ANKRD37: variants seen among roughly 807,000 people sequenced by gnomAD.
The protein encoded by ANKRD37 is ankyrin repeat domain 37, also known as ankyrin repeat domain-containing protein 37.
A neutral mutation model predicts 19.7 loss-of-function variants in ANKRD37; 17 were observed. The observed-to-expected ratio is 0.86, with a 90% CI of 0.59 to 1.29. The LOEUF is 1.29. Among genes scored for constraint, ANKRD37 ranks in the 50% most tolerant of loss-of-function variants. ANKRD37 has a pLI of 0.00. For missense variants in ANKRD37, 207 were observed against 190.4 expected, an observed-to-expected ratio of 1.09 and a Z score of -0.51; for synonymous variants, 79 against 74.5, an observed-to-expected ratio of 1.06 and a Z score of -0.31.
At chr4:185,400,398 C>A, downstream of ANKRD37, 1 of 1,611,890 alleles carries the variant, frequency 6.2e-7, no homozygotes, top group Non-Finnish European at 8.5e-7. Flanking sequence ...TATTTTAAAT[C>A]ATATTTGGTC....
chr4:185,396,904 T>C lies in ANKRD37; in HGVS notation c.-20T>C. The stretch of plus-strand genomic sequence containing the variant: ...CTCTCTGCACTTCCAAGGACTCTTG[T>C]CATCTGCCTTAGGCGGGAAATGCTG... On this transcript the variant is annotated 5_prime_UTR_variant, in exon 1 of 5. Coordinates refer to ENST00000335174, the MANE Select transcript of ANKRD37 (RefSeq NM_181726.4). 6.2e-7 allele frequency: 1 copy of C among 1,613,216 alleles called. No individual in the cohort carries two copies. The highest frequency in any genetic ancestry group is 8.5e-7 in the Non-Finnish European group (1 of 1,180,000).
In ANKRD37 at chr4:185,398,998, G is replaced by A. The variant is rs767996848; in HGVS notation, c.242G>A (p.Ser81Asn). Reference protein sequence around the residue: ...AAKVGSLECLSLLVASDAQID... With the variant: ...AAKVGSLECLNLLVASDAQID... ...AAAGTTGGAAGCCTGGAGTGCCTAA[G>A]CCTGCTTGTAGCCAGTGATGCCCAA... The change falls in exon 3 of 5, where the codon AGC (serine) becomes AAC (asparagine). Residue 81 changes from serine to asparagine, a missense_variant. Transcript: ENST00000335174. 7.4e-6 allele frequency: 12 copies of A among 1,613,868 alleles called. No individual in the cohort carries two copies. In the South Asian group the frequency reaches 1.2e-4, roughly 16 times the overall value.
At position 185,396,919 on chromosome 4, in the gene ANKRD37, G is replaced by A. The variant is rs371815282; in HGVS notation, c.-5G>A. ...AGGACTCTTGTCATCTGCCTTAGGC[G>A]GGAAATGCTGTTGCTGGATTGCAAC... On this transcript the variant is annotated 5_prime_UTR_variant, in exon 1 of 5. Coordinates refer to ENST00000335174, the MANE Select transcript of ANKRD37 (RefSeq NM_181726.4). 1 of 1,613,472 alleles carries A rather than the reference G, an allele frequency of 6.2e-7. No homozygotes were observed. Among genetic ancestry groups the A allele is most frequent in the African/African-American group, 1.3e-5 (1 of 74,946 alleles).
rs776350479 is a variant in ANKRD37 at position 185,397,131 on chromosome 4, A to T, written c.28-19A>T. On this transcript the variant is annotated intron_variant, in intron 1 of 4. Transcript: ENST00000335174. ...TGGACAAAGGTGGGAAGGGTGCTGG[A>T]TCTGTTCTCTTCCTGCAGGTGGATG... 1 of 1,612,776 alleles carries T rather than the reference A, an allele frequency of 6.2e-7. No homozygotes were observed. The highest frequency in any genetic ancestry group is 1.3e-5 in the African/African-American group (1 of 74,904).
chr4:185,399,594 A>G lies in ANKRD37; in HGVS notation c.297A>G (p.Thr99=), dbSNP rs1286673731. 1 of 1,614,132 alleles carries G rather than the reference A, an allele frequency of 6.2e-7. No homozygotes were observed. Among genetic ancestry groups the G allele is most frequent in the Non-Finnish European group, 8.5e-7 (1 of 1,180,040 alleles). The change falls in exon 4 of 5, where the codon ACA becomes ACG. Residue 99 remains threonine (T), a synonymous_variant. Coordinates refer to ENST00000335174, the MANE Select transcript of ANKRD37 (RefSeq NM_181726.4). ...GTTTATGTAATAAGAACGGGCAAACAGCTGAAGATCTCGCTTGGTCATGTG... is the reference window on the plus strand; with the variant it reads ...GTTTATGTAATAAGAACGGGCAAACGGCTGAAGATCTCGCTTGGTCATGTG... ...QIDLCNKNGQ[T]AEDLAWSCGF...
Position 185,399,681 on chromosome 4 carries a change from T to G in ANKRD37, c.384T>G (p.Ser128Arg), listed in dbSNP as rs1466199927. 1.9e-6 allele frequency: 3 copies of G among 1,614,024 alleles called. No individual in the cohort carries two copies. The highest frequency in any genetic ancestry group is 2.5e-6 in the Non-Finnish European group (3 of 1,180,034). Residue 128 changes from serine (S) to arginine (R), a missense_variant, in exon 4 of 5, where the codon AGT (serine) becomes AGG (arginine). By Grantham distance (110) the Ser-to-Arg change is moderately radical. Transcript: ENST00000335174. ...TIKCMQTIKA[S>R]EHPDRNDCVA... ...AATGTATGCAGACAATAAAAGCAAG[T>G]GAACACCCTGACAGGAATGATTGTG...
chr4:185,399,078 T>A, intron 3 of ANKRD37, 50 bp downstream of exon 3: 1 of 1,456,690 alleles, frequency 6.9e-7, no homozygotes, highest in Non-Finnish European at 9.6e-7. Flanking sequence ...TGGATTAAAC[T>A]AATCAGACTC....
chr4:185,398,914 A>C, intron 2 of ANKRD37, 23 bp from the exon 3 acceptor site: 1 of 1,602,738 alleles, frequency 6.2e-7, no homozygotes, highest in Non-Finnish European at 8.5e-7. Context: ...GGGAGACTCT[A>C]AAATGCACCA....
At chr4:185,400,426 TTATAG>T, downstream of ANKRD37, 1 of 1,613,948 alleles carries the variant, frequency 6.2e-7, no homozygotes, top group Non-Finnish European at 8.5e-7. Flanking sequence ...AAGACATAAG[TTATAG>T]TATGCATCCT....
In ANKRD37 at chr4:185,399,044, G is replaced by A. The variant is rs1040447948; in HGVS notation, c.272+16G>A. On this transcript the variant is annotated intron_variant, in intron 3 of 4. Coordinates refer to ENST00000335174, the MANE Select transcript of ANKRD37 (RefSeq NM_181726.4). The stretch of plus-strand genomic sequence containing the variant: ...CCCAAATTGAGTGAGTATGAAAACA[G>A]TGGCTTCACATTTTATGTTTTCTTG... The A allele has an allele frequency of 3.1e-6, 5 of 1,606,232 alleles. No homozygotes were observed. Among genetic ancestry groups the A allele is most frequent in the Admixed American group, 3.3e-5 (2 of 59,896 alleles).
chr4:185,399,804 TC>T (rs776107957), intron 4 of ANKRD37, 31 bp downstream of exon 4: 1 of 1,612,770 alleles, frequency 6.2e-7, no homozygotes, highest in African/African-American at 1.3e-5. Context: ...GCTTTTTTCC[TC>T]CCGCAGTGAT....
At position 185,397,249 on chromosome 4, in the gene ANKRD37, C is replaced by G. The variant is rs759453185; in HGVS notation, c.127C>G (p.Leu43Val). The change falls in exon 2 of 5, where the codon CTT becomes GTT. Residue 43 changes from leucine (L) to valine (V), a missense_variant. Transcript: ENST00000335174. ...SPVHLAAGSG[L>V]ACFLLWQLQT... ...TGTCCACTTAGCCGCAGGAAGCGGC[C>G]TTGCTTGCTTTCTTCTCTGGCAGCT... 1 of 1,614,150 alleles carries G rather than the reference C, an allele frequency of 6.2e-7. No homozygotes were observed. The highest frequency in any genetic ancestry group is 1.7e-5 in the Admixed American group (1 of 60,034).
At chr4:185,399,474 C>A in intron 3 of ANKRD37, 96 bp from the exon 4 acceptor site, 2 of 1,367,592 alleles carry the variant, frequency 1.5e-6, no homozygotes, top group Non-Finnish European at 1.0e-6. Flanking sequence ...TGTTCTGCAA[C>A]CAACATTTGT....
intron 2 of ANKRD37, 183 bp downstream of exon 2, chr4:185,397,485 C>A: frequency 1.2e-6 from 1 of 802,008 alleles, no homozygotes; most frequent in South Asian, 2.5e-5. Flanking sequence ...GATGTGAGGA[C>A]ATGAGAAATT....
At chr4:185,397,603 T>G in intron 2 of ANKRD37, 1 of 324,418 alleles carries the variant, frequency 3.1e-6, no homozygotes, top group Non-Finnish European at 5.7e-6. Context: ...CAATTGCTGA[T>G]TAGATATTTT....
chr4:185,399,343 CATCAG>C lies in ANKRD37; in HGVS notation c.273-224_273-220del, dbSNP rs1208751277. On this transcript the variant is annotated intron_variant, in intron 3 of 4. Coordinates refer to ENST00000335174, the MANE Select transcript of ANKRD37 (RefSeq NM_181726.4). ...TTGGGTACTCATACACTGTATTAAACATCAGATAATTCTAACATTCATTCAGAACT... is the reference window on the plus strand; with the variant it reads ...TTGGGTACTCATACACTGTATTAAACATAATTCTAACATTCATTCAGAACT... 4.6e-5 allele frequency among the ~76,000 whole-genome samples: 7 copies of C among 152,262 alleles called. No individual in the cohort carries two copies. The East Asian group carries it at 1.4e-3, about 29-fold the overall frequency.
At chr4:185,399,487 G>A (rs1261953112) in intron 3 of ANKRD37, 83 bp from the exon 4 acceptor site, 4 of 1,462,686 alleles carry the variant, frequency 2.7e-6, no homozygotes, top group Non-Finnish European at 3.7e-6. Context: ...ACATTTGTAT[G>A]AGCCCAAAAT....
At position 185,400,023 on chromosome 4, in the gene ANKRD37, C is replaced by G; in HGVS notation, c.*6C>G. ...AACGTGTTTTTAAAAACAGATGTCA[C>G]GTGGGTTATGAAGAAGTCTGAAGAA... On this transcript the variant is annotated 3_prime_UTR_variant, in exon 5 of 5. Transcript: ENST00000335174. 1 of 1,599,324 alleles carries G rather than the reference C, an allele frequency of 6.3e-7. No homozygotes were observed. The highest frequency in any genetic ancestry group is 8.5e-7 in the Non-Finnish European group (1 of 1,174,390).
At chr4:185,398,536 C>T (rs933726259) in intron 2 of ANKRD37, among the ~76,000 whole-genome samples, 3 of 152,048 alleles carry the variant, frequency 2.0e-5, no homozygotes, top group Non-Finnish European at 4.4e-5. Context: ...CATTTCAGAG[C>T]GTATGCTAGA....
Sources: allele counts gnomAD v4.1 joint callset (sites outside exome capture counted in the v4.1 genomes callset), GRCh38; gene constraint gnomAD v4.1.1; transcripts MANE v1.5; gene names NCBI Gene and HGNC (gene_info 2026-07-23, HGNC 2026-07-21).